Variants in KAZN observed in about 807,000 individuals in gnomAD.
The protein encoded by KAZN is kazrin.
In KAZN, 40 loss-of-function variants were observed where a neutral mutation model predicts 87.4. That is an observed-to-expected ratio of 0.46 (90% CI 0.36 to 0.60). The LOEUF is 0.60. KAZN is among the 20% of genes least tolerant of loss of function. KAZN has a pLI of 0.00. For synonymous variants in KAZN, 466 were observed against 458.3 expected (o/e 1.02, Z -0.22); for missense variants, 898 against 1,073.9 (o/e 0.84, Z 2.29).
At chr1:15,046,949 G>A (rs981732632) in intron 4 of KAZN, among the ~76,000 whole-genome samples, 29 of 152,282 alleles carry the variant, frequency 1.9e-4, no homozygotes, top group South Asian at 4.1e-4. Flanking sequence ...TTAGGCATCC[G>A]AGGACTCCCT....
intron 2 of KAZN, among the ~76,000 whole-genome samples, chr1:14,321,240 A>G (rs2100839763): frequency 6.6e-6 from 1 of 152,304 alleles, no homozygotes; most frequent in African/African-American, 2.4e-5. Flanking sequence ...AAACAGTCAA[A>G]GGAAATGCTG....
At chr1:14,363,586 C>T (rs566894518) in intron 2 of KAZN, among the ~76,000 whole-genome samples, 1 of 152,316 alleles carries the variant, frequency 6.6e-6, no homozygotes, top group South Asian at 2.1e-4. Context: ...CAAAAGTTAC[C>T]TTCCATTCAT....
chr1:14,660,636 G>C (rs1033376747), intron 1 of KAZN, among the ~76,000 whole-genome samples: 1 of 145,770 alleles, frequency 6.9e-6, no homozygotes, highest in African/African-American at 2.5e-5. Flanking sequence ...CGATGGCTGA[G>C]CCTTGCCTTT....
intron 1 of KAZN, among the ~76,000 whole-genome samples, chr1:14,849,938 C>CTT (rs574691073): frequency 2.2e-4 from 31 of 143,294 alleles, no homozygotes; most frequent in Middle Eastern, 3.7e-3. Flanking sequence ...TCTACCCCCC[C>CTT]TTTTTTTTTT....
At chr1:14,670,593 G>C (rs1416798905) in intron 1 of KAZN, among the ~76,000 whole-genome samples, 1 of 152,158 alleles carries the variant, frequency 6.6e-6, no homozygotes, top group East Asian at 1.9e-4. Flanking sequence ...AGTAGATCTG[G>C]GGAGGGGCCT....
chr1:14,291,621 C>T (rs1345012755), intron 2 of KAZN, among the ~76,000 whole-genome samples: 2 of 152,126 alleles, frequency 1.3e-5, no homozygotes, highest in Non-Finnish European at 2.9e-5. Flanking sequence ...AAGGGAAATC[C>T]CTTGACCCCT....
rs150457450 is a variant in KAZN, at chr1:13,987,826, A to G, written c.91+94070A>G. ...GCATCTTAGTCTATTTTGTGTTGCT[A>G]TAACAATACCTGAGCCTGGGTAATT... On this transcript the variant is annotated intron_variant, in intron 1 of 16. Transcript: ENST00000636203. Among the ~76,000 whole-genome samples the G allele has an allele frequency of 2.2e-3, 335 of 152,328 alleles. 2 individuals carry two copies. The highest frequency in any genetic ancestry group is 7.8e-3 in the African/African-American group (326 of 41,562).
chr1:14,440,349 T>C (rs1054362180), intron 2 of KAZN, among the ~76,000 whole-genome samples: 1 of 152,200 alleles, frequency 6.6e-6, no homozygotes, highest in African/African-American at 2.4e-5. Context: ...AGCTTTGTAC[T>C]GACAGCTGGA....
At chr1:14,607,613 A>T (rs541584270) in intron 1 of KAZN, among the ~76,000 whole-genome samples, 3 of 152,156 alleles carry the variant, frequency 2.0e-5, no homozygotes, top group Admixed American at 6.5e-5. Context: ...GCCAGCAGGG[A>T]CTCCTGTCTG....
At chr1:14,607,087 G>A (rs948102153) in intron 1 of KAZN, among the ~76,000 whole-genome samples, 1 of 152,202 alleles carries the variant, frequency 6.6e-6, no homozygotes, top group Non-Finnish European at 1.5e-5. Flanking sequence ...TGAATGAATA[G>A]ATGGATGGAT....
At chr1:14,841,369 G>A (rs567512413) in intron 1 of KAZN, among the ~76,000 whole-genome samples, 49 of 131,226 alleles carry the variant, frequency 3.7e-4, no homozygotes, top group Non-Finnish European at 5.7e-4. Flanking sequence ...TCGCCCCACT[G>A]CACTCCAGCC....
At chr1:14,262,650 A>G (rs548199329) in intron 2 of KAZN, among the ~76,000 whole-genome samples, 8 of 152,288 alleles carry the variant, frequency 5.3e-5, no homozygotes, top group Middle Eastern at 3.4e-3. Flanking sequence ...ACCACTTTAA[A>G]TCTCTGTTCA....
intron 1 of KAZN, among the ~76,000 whole-genome samples, chr1:14,913,991 C>T (rs530171065): frequency 2.0e-5 from 3 of 152,224 alleles, no homozygotes; most frequent in Non-Finnish European, 4.4e-5. Flanking sequence ...ACTGAAAACG[C>T]GACCTTGCCA....
intron 2 of KAZN, among the ~76,000 whole-genome samples, chr1:14,185,409 C>G (rs996473440): frequency 1.3e-5 from 2 of 152,172 alleles, no homozygotes; most frequent in African/African-American, 2.4e-5. Context: ...ATTTAGTTCC[C>G]TTCACTAAAA....
At position 14,564,649 on chromosome 1, in the gene KAZN, C is replaced by CAA. The variant is rs111282866; in HGVS notation, c.250-34321_250-34320dup. Among the ~76,000 whole-genome samples the CAA allele has an allele frequency of 1.0e-2, 1,422 of 142,616 alleles. 13 individuals carry two copies. The highest frequency in any genetic ancestry group is 0.014 in the Non-Finnish European group (917 of 65,944). 93.6% of individuals were successfully genotyped at this position (142,616 alleles called of 152,430 possible). A position where few individuals can be genotyped will look rare whatever the true frequency, so the allele number is the denominator to read the frequency against. On this transcript the variant is annotated intron_variant, in intron 2 of 16. Transcript: ENST00000636203. ...TGAAACCCTGTCTCTACTAAAAATA[C>CAA]AAAAAAAAAAAAAATTAGCTTGGAG...
At chr1:14,413,459 G>A (rs981572310) in intron 2 of KAZN, among the ~76,000 whole-genome samples, 10 of 151,832 alleles carry the variant, frequency 6.6e-5, no homozygotes, top group South Asian at 2.1e-4. Context: ...GCGTGGTGGC[G>A]GGTGCCTGTA....
chr1:14,109,154 G>A (rs1055790823), intron 1 of KAZN, among the ~76,000 whole-genome samples: 1 of 152,180 alleles, frequency 6.6e-6, no homozygotes, highest in Admixed American at 6.5e-5. Flanking sequence ...GTGGTGTGAT[G>A]ACTTAAGAGT....
At chr1:14,216,977 G>A (rs372872855) in intron 2 of KAZN, among the ~76,000 whole-genome samples, 6 of 152,228 alleles carry the variant, frequency 3.9e-5, no homozygotes, top group African/African-American at 1.4e-4. Context: ...CAGTTGCTAC[G>A]GTTTGAGTAT....
chr1:14,390,519 T>C (rs962573750), intron 2 of KAZN, among the ~76,000 whole-genome samples: 5 of 152,186 alleles, frequency 3.3e-5, no homozygotes, highest in Non-Finnish European at 5.9e-5. Context: ...GAGCATTCCA[T>C]GCAGGGAGAA....
Sources: allele counts gnomAD v4.1 joint callset (sites outside exome capture counted in the v4.1 genomes callset), GRCh38; gene constraint gnomAD v4.1.1; transcripts MANE v1.5; gene names NCBI Gene and HGNC (gene_info 2026-07-23, HGNC 2026-07-21).